The following PCDHGC4 variants were observed in gnomAD, a reference collection of about 807,000 sequenced individuals.
PCDHGC4 encodes protocadherin gamma subfamily C, 4, also known as protocadherin gamma-C4.
PCDHGC4 carries 15 observed loss-of-function variants against 59.7 expected under a neutral mutation model. The ratio of observed to expected loss-of-function variants is 0.25; its 90% confidence interval spans 0.17 to 0.39. The LOEUF is 0.39. PCDHGC4 is among the 10% of genes least tolerant of loss of function. The pLI, the probability that PCDHGC4 is intolerant of heterozygous loss-of-function variation, is 1.00. For missense variants in PCDHGC4, 1,016 were observed against 1,189.5 expected (o/e 0.85, Z 2.15); for synonymous variants, 434 against 481.4 (o/e 0.90, Z 1.29).
In PCDHGC4 at chr5:141,489,652, C is replaced by A. The variant is rs767143028; in HGVS notation, c.2442+2037C>A. On this transcript the variant is annotated intron_variant, in intron 1 of 3. Transcript: ENST00000306593. The surrounding 1 kb of genome is among the most constrained non-coding windows in gnomAD (Gnocchi z 4.5). ...CTCTCCTAGCTTTGCCACCCCTGAG[C>A]GAGAGATGCGCATCTCAGAATCAGC... 34 of 1,614,024 alleles carry A rather than the reference C, an allele frequency of 2.1e-5. No homozygotes were observed. The Middle Eastern group carries it at 6.6e-4, about 31-fold the overall frequency.
intron 2 of PCDHGC4, among the ~76,000 whole-genome samples, chr5:141,499,133 T>C (rs1443866975): frequency 6.6e-6 from 1 of 152,184 alleles, no homozygotes; most frequent in East Asian, 1.9e-4. Context: ...GGTCATCCTT[T>C]GGGTGTCTGA....
At chr5:141,497,568 C>G (rs1012946741) in intron 2 of PCDHGC4, among the ~76,000 whole-genome samples, 2 of 140,602 alleles carry the variant, frequency 1.4e-5, no homozygotes, top group African/African-American at 5.4e-5. Flanking sequence ...TAGACAGAGT[C>G]TTGCTCTGTT....
intron 3 of PCDHGC4, among the ~76,000 whole-genome samples, chr5:141,508,789 A>C: frequency 1.4e-5 from 2 of 145,944 alleles, no homozygotes; most frequent in African/African-American, 2.6e-5. Context: ...CCCCTAAATC[A>C]CTCTGGAATC....
intron 1 of PCDHGC4, among the ~76,000 whole-genome samples, chr5:141,494,397 A>G (rs965158973): frequency 7.2e-5 from 11 of 152,208 alleles, no homozygotes; most frequent in African/African-American, 2.4e-4. Flanking sequence ...GAATAAATTC[A>G]TTCTAGGGCT....
chr5:141,485,431 C>G lies in PCDHGC4; in HGVS notation c.258C>G (p.Ile86Met), dbSNP rs1594481071. ...RVDLDSGALL[I>M]KNPIDREALC... ...ATTTGGACAGCGGAGCCCTGCTCAT[C>G]AAGAACCCAATCGACCGAGAGGCAC... Residue 86 changes from isoleucine to methionine, a missense_variant, in exon 1 of 4, where the codon ATC (isoleucine) becomes ATG (methionine). Coordinates refer to ENST00000306593, the MANE Select transcript of PCDHGC4 (RefSeq NM_018928.3). The surrounding 1 kb of genome is among the most constrained non-coding windows in gnomAD (Gnocchi z 5.7). 8.7e-6 allele frequency: 14 copies of G among 1,614,198 alleles called. No homozygotes were observed. Among genetic ancestry groups the G allele is most frequent in the Non-Finnish European group, 1.1e-5 (13 of 1,180,038 alleles).
intron 2 of PCDHGC4, among the ~76,000 whole-genome samples, chr5:141,500,184 T>TTTTTTTTA (rs1554186429): frequency 7.8e-4 from 106 of 135,966 alleles, no homozygotes; most frequent in African/African-American, 2.4e-3. Context: ...TCATTTTTAT[T>TTTTTTTTA]TTTATTTATT....
Position 141,485,152 on chromosome 5 carries a change from A to C in PCDHGC4, c.-22A>C. ...CTTCATCCGCGTCTCAGGAGCAAGT[A>C]GAGAATTAGCGGGCGGCAGCAATGC... On this transcript the variant is annotated 5_prime_UTR_variant, in exon 1 of 4. Coordinates refer to ENST00000306593, the MANE Select transcript of PCDHGC4 (RefSeq NM_018928.3). The surrounding 1 kb of genome is among the most constrained non-coding windows in gnomAD (Gnocchi z 5.7). 8.8e-6 allele frequency: 14 copies of C among 1,586,038 alleles called. No individual in the cohort carries two copies. The highest frequency in any genetic ancestry group is 1.0e-5 in the Non-Finnish European group (12 of 1,157,128).
intron 3 of PCDHGC4, 93 bp downstream of exon 3, chr5:141,505,574 C>G: frequency 6.3e-7 from 1 of 1,593,636 alleles, no homozygotes; most frequent in South Asian, 1.1e-5. Flanking sequence ...GGATGTCAAA[C>G]CTGTGTAGTT....
Position 141,485,567 on chromosome 5 carries a change from C to G in PCDHGC4, c.394C>G (p.Arg132Gly). The stretch of plus-strand genomic sequence containing the variant: ...CGTAGATGTGAATGATCACGCCCCC[C>G]GTTTTCCGCGGCAGCAGCTGGACTT... ...EIVDVNDHAP[R>G]FPRQQLDLEI... The change falls in exon 1 of 4, where the codon CGT (arginine) becomes GGT (glycine). Residue 132 changes from arginine to glycine, a missense_variant. Transcript: ENST00000306593. This position sits in a 1 kb window ranked among gnomAD's most constrained non-coding sequence, Gnocchi z 5.7. 1 of 1,612,882 alleles carries G rather than the reference C, an allele frequency of 6.2e-7. No individual in the cohort carries two copies. The highest frequency in any genetic ancestry group is 8.5e-7 in the Non-Finnish European group (1 of 1,178,978).
In PCDHGC4 at chr5:141,491,927, G is replaced by A. The variant is rs1314503730; in HGVS notation, c.2443-2880G>A. 3 of 1,309,982 alleles carry A rather than the reference G, an allele frequency of 2.3e-6. No individual in the cohort carries two copies. In the African/African-American group the frequency reaches 4.5e-5, roughly 20 times the overall value. 81.1% of individuals were successfully genotyped at this position (1,309,982 alleles called of 1,614,324 possible). A position where few individuals can be genotyped will look rare whatever the true frequency, so the allele number is the denominator to read the frequency against. On this transcript the variant is annotated intron_variant, in intron 1 of 3. Coordinates refer to ENST00000306593, the MANE Select transcript of PCDHGC4 (RefSeq NM_018928.3). The surrounding 1 kb of genome is among the most constrained non-coding windows in gnomAD (Gnocchi z 6.9). ...GTGGTGGCGACTGTGGGCGAGGGGAGGTGGGACCGACCCCCACCCCTACAC... is the reference window on the plus strand; with the variant it reads ...GTGGTGGCGACTGTGGGCGAGGGGAAGTGGGACCGACCCCCACCCCTACAC...
Position 141,486,294 on chromosome 5 carries a change from T to C in PCDHGC4, c.1121T>C (p.Val374Ala), listed in dbSNP as rs764106041. The C allele has an allele frequency of 1.2e-6, 2 of 1,614,036 alleles. No homozygotes were observed. The highest frequency in any genetic ancestry group is 1.7e-6 in the Non-Finnish European group (2 of 1,179,998). Residue 374 changes from valine (V) to alanine (A), a missense_variant, in exon 1 of 4, where the codon GTG becomes GCG. By Grantham distance (64) the Val-to-Ala change is moderately conservative (BLOSUM62 0). Transcript: ENST00000306593. The surrounding 1 kb of genome is among the most constrained non-coding windows in gnomAD (Gnocchi z 5.0). ...GGCACTGTGGTGGCACTTATCAGTG[T>C]GCAGGATCCAGACTCAGGGTCAAAC... ...EPGTVVALIS[V>A]QDPDSGSNGD...
At chr5:141,497,077 G>A (rs191605427) in intron 2 of PCDHGC4, among the ~76,000 whole-genome samples, 4 of 151,990 alleles carry the variant, frequency 2.6e-5, no homozygotes, top group East Asian at 3.9e-4. Flanking sequence ...TAATCCCAGC[G>A]ACTTAGGAGG....
At chr5:141,496,121 C>G (rs1391009290) in intron 2 of PCDHGC4, among the ~76,000 whole-genome samples, 1 of 152,088 alleles carries the variant, frequency 6.6e-6, no homozygotes, top group Non-Finnish European at 1.5e-5. Context: ...TCCTTCCCTG[C>G]CCCTCACACA....
At chr5:141,505,554 C>T in intron 3 of PCDHGC4, 73 bp downstream of exon 3, 1 of 1,606,130 alleles carries the variant, frequency 6.2e-7, no homozygotes, top group Non-Finnish European at 8.5e-7. Context: ...AGCCACCATG[C>T]CCACGGACTG....
chr5:141,494,680 C>G (rs552351026), intron 1 of PCDHGC4, 127 bp from the exon 2 acceptor site: 2 of 1,560,096 alleles, frequency 1.3e-6, no homozygotes, highest in East Asian at 4.6e-5. Context: ...CCACCCCTGC[C>G]CCCTCTTAGT....
At position 141,486,243 on chromosome 5, in the gene PCDHGC4, G is replaced by A. The variant is rs754924567; in HGVS notation, c.1070G>A (p.Gly357Glu). 18 of 1,614,156 alleles carry A rather than the reference G, an allele frequency of 1.1e-5. No individual in the cohort carries two copies. The highest frequency in any genetic ancestry group is 1.4e-5 in the Non-Finnish European group (16 of 1,180,018). ...TACATCACAGTGACCTCAGAGCTTG[G>A]AACCCTCCCCGAGAGTGCAGAACCT... ...APYITVTSEL[G>E]TLPESAEPGT... Residue 357 changes from glycine (G) to glutamate (E), a missense_variant, in exon 1 of 4, where the codon GGA (glycine) becomes GAA (glutamate). Coordinates refer to ENST00000306593, the MANE Select transcript of PCDHGC4 (RefSeq NM_018928.3). This position sits in a 1 kb window ranked among gnomAD's most constrained non-coding sequence, Gnocchi z 5.0.
intron 1 of PCDHGC4, among the ~76,000 whole-genome samples, chr5:141,492,482 A>G (rs1339196127): frequency 6.6e-6 from 1 of 152,182 alleles, no homozygotes; most frequent in Non-Finnish European, 1.5e-5. Context: ...GCGGCCGCCC[A>G]GGACCAGGCG....
At chr5:141,503,836 A>G (rs1260399957) in intron 2 of PCDHGC4, among the ~76,000 whole-genome samples, 4 of 152,142 alleles carry the variant, frequency 2.6e-5, no homozygotes, top group Admixed American at 6.5e-5. Flanking sequence ...AAAAGCAGGG[A>G]CAGACCTTGG....
At chr5:141,510,898 T>C in intron 3 of PCDHGC4, 49 bp from the exon 4 acceptor site, 1 of 1,613,278 alleles carries the variant, frequency 6.2e-7, no homozygotes, top group Non-Finnish European at 8.5e-7. Context: ...ACAGTGACTG[T>C]TGAGGACCCT....
Sources: allele counts gnomAD v4.1 joint callset (sites outside exome capture counted in the v4.1 genomes callset), GRCh38; gene constraint gnomAD v4.1.1; non-coding constraint Gnocchi (gnomAD v3.1); transcripts MANE v1.5; gene names NCBI Gene and HGNC (gene_info 2026-07-23, HGNC 2026-07-21).